The following PSMC6 variants were observed in gnomAD, a reference collection of about 807,000 sequenced individuals.
The protein encoded by PSMC6 is 26S proteasome regulatory subunit 10B.
In PSMC6, 3 loss-of-function variants were observed where a neutral mutation model predicts 55.9. The ratio of observed to expected loss-of-function variants is 0.05; its 90% confidence interval spans 0.02 to 0.14. The LOEUF (loss-of-function observed/expected upper bound fraction) is 0.14. PSMC6 is among the 10% of genes least tolerant of loss of function. PSMC6 has a pLI of 1.00. For synonymous variants in PSMC6, 137 were observed against 155.9 expected (o/e 0.88, Z 0.90); for missense variants, 210 against 478.7 (o/e 0.44, Z 5.24).
intron 13 of PSMC6, among the ~76,000 whole-genome samples, chr14:52,726,784 G>A (rs1198803873): frequency 6.6e-6 from 1 of 151,962 alleles, no homozygotes; most frequent in African/African-American, 2.4e-5. Context: ...TGGGGTTACA[G>A]ATGCCCACTA....
intron 12 of PSMC6, 37 bp downstream of exon 12, chr14:52,721,227 G>A (rs1046024501): frequency 3.5e-6 from 5 of 1,411,952 alleles, no homozygotes; most frequent in Non-Finnish European, 4.8e-6. Context: ...ATTTACATTT[G>A]GTAAATGAAG....
At chr14:52,711,212 G>A (rs2041768442) in intron 5 of PSMC6, 44 bp downstream of exon 5, 2 of 1,558,694 alleles carry the variant, frequency 1.3e-6, no homozygotes, top group East Asian at 4.5e-5. Flanking sequence ...TTTTCACAAA[G>A]GGTGGTTTTT....
chr14:52,716,020 T>C (rs1208541674), intron 7 of PSMC6, among the ~76,000 whole-genome samples: 1 of 152,204 alleles, frequency 6.6e-6, no homozygotes, highest in Admixed American at 6.5e-5. Context: ...TGTCAACATT[T>C]GGAAGATTTG....
rs1351872336 is a variant in PSMC6, at chr14:52,723,161, A to G, written c.980-804A>G. On this transcript the variant is annotated intron_variant, in intron 12 of 13. Coordinates refer to ENST00000445930, the MANE Select transcript of PSMC6 (RefSeq NM_002806.5). ...GCTAGCCTTGGGAATTCTTGCTCTCAGGAAGCTTACAATGAACTTAAACCT... is the reference window on the plus strand; with the variant it reads ...GCTAGCCTTGGGAATTCTTGCTCTCGGGAAGCTTACAATGAACTTAAACCT... 5 of 152,248 alleles carry G rather than the reference A, an allele frequency of 3.3e-5. No homozygotes were observed. The East Asian group carries it at 7.7e-4, about 23-fold the overall frequency. 9.4% of individuals were successfully genotyped at this position (152,248 alleles called of 1,614,324 possible).
chr14:52,725,266 A>G (rs752875830), intron 13 of PSMC6, among the ~76,000 whole-genome samples: 8 of 152,314 alleles, frequency 5.3e-5, no homozygotes, highest in Middle Eastern at 3.4e-3. Context: ...CTATCAAAAT[A>G]TACGCTTTTT....
intron 6 of PSMC6, among the ~76,000 whole-genome samples, chr14:52,712,824 C>T (rs959022447): frequency 2.0e-5 from 3 of 152,066 alleles, no homozygotes; most frequent in Admixed American, 1.3e-4. Flanking sequence ...ACCATGTTGT[C>T]CAGGCTCTTC....
At chr14:52,708,558 ACAGT>A (rs749529863) in intron 3 of PSMC6, 36 bp downstream of exon 3, 15 of 1,591,266 alleles carry the variant, frequency 9.4e-6, no homozygotes, top group Non-Finnish European at 1.3e-5. Context: ...TAGTAAAGAA[ACAGT>A]CCACCTCTCT....
chr14:52,708,239 G>A, intron 1 of PSMC6, 70 bp from the exon 2 acceptor site: 1 of 1,307,382 alleles, frequency 7.6e-7, no homozygotes, highest in Non-Finnish European at 1.1e-6. Context: ...AAACAGTAAA[G>A]TGAGACGTAG....
intron 13 of PSMC6, among the ~76,000 whole-genome samples, chr14:52,726,802 C>T (rs1880434094): frequency 6.6e-6 from 1 of 151,820 alleles, no homozygotes; most frequent in Admixed American, 6.6e-5. Flanking sequence ...CTACTACGCC[C>T]AGCTAATTTT....
chr14:52,711,379 C>G, intron 5 of PSMC6, 31 bp from the exon 6 acceptor site: 1 of 1,543,492 alleles, frequency 6.5e-7, no homozygotes. Context: ...ATATATCTTT[C>G]AAAAGAAAAA....
chr14:52,716,642 A>G (rs2041832864), intron 7 of PSMC6, among the ~76,000 whole-genome samples: 1 of 152,088 alleles, frequency 6.6e-6, no homozygotes, highest in Non-Finnish European at 1.5e-5. Context: ...AATCCCAGCT[A>G]CTCGGGAGGC....
intron 9 of PSMC6, 33 bp downstream of exon 9, chr14:52,718,385 A>C: frequency 6.3e-7 from 1 of 1,585,100 alleles, no homozygotes; most frequent in South Asian, 1.1e-5. Context: ...AAGTTTTAGG[A>C]CTTTTTTTTA....
intron 9 of PSMC6, 69 bp downstream of exon 9, chr14:52,718,421 C>T: frequency 6.8e-7 from 1 of 1,477,796 alleles, no homozygotes; most frequent in South Asian, 1.2e-5. Flanking sequence ...TTTTCCCTCT[C>T]TTAATCTGTA....
In PSMC6 at chr14:52,718,082, T is replaced by C; in HGVS notation, c.531T>C (p.Gly177=). The change falls in exon 8 of 14, where the codon GGT becomes GGC. Residue 177 remains glycine, a splice_region_variant and synonymous_variant. Coordinates refer to ENST00000445930, the MANE Select transcript of PSMC6 (RefSeq NM_002806.5). ...TAAGACTTCTTTTGTCATTCTTAGG[T>C]ACGGGAAAAACACTCTTGGCACGAG... ...PKGCLLYGPP[G]TGKTLLARAV... The C allele has an allele frequency of 6.2e-7, 1 of 1,612,716 alleles. No homozygotes were observed.
chr14:52,711,243 G>T (rs2041768967), intron 5 of PSMC6, 75 bp downstream of exon 5: 1 of 1,409,358 alleles, frequency 7.1e-7, no homozygotes, highest in Admixed American at 1.9e-5. Flanking sequence ...TATGCTTCTT[G>T]AGATCACTGA....
At position 52,708,827 on chromosome 14, in the gene PSMC6, A is replaced by T. The variant is rs374744569; in HGVS notation, c.258+11A>T. 2.5e-6 allele frequency: 4 copies of T among 1,612,984 alleles called. No individual in the cohort carries two copies. In the African/African-American group the frequency reaches 5.3e-5, roughly 22 times the overall value. On this transcript the variant is annotated intron_variant, in intron 4 of 13. Transcript: ENST00000445930. Reference sequence around the variant, plus strand: ...GGTTGTCGTCGACAGGTAATACTTTATATTTGTATAGTGCCTGATGATTGA... The same window carrying T: ...GGTTGTCGTCGACAGGTAATACTTTTTATTTGTATAGTGCCTGATGATTGA...
intron 13 of PSMC6, among the ~76,000 whole-genome samples, chr14:52,725,279 C>A (rs1156820961): frequency 1.3e-5 from 2 of 152,052 alleles, no homozygotes; most frequent in South Asian, 4.1e-4. Flanking sequence ...CGCTTTTTTT[C>A]CTTACATATT....
In PSMC6 at chr14:52,724,046, T is replaced by TA. The variant is rs1235797484; in HGVS notation, c.1051+13dup. 1.3e-5 allele frequency: 21 copies of TA among 1,606,804 alleles called. No individual in the cohort carries two copies. Among genetic ancestry groups the TA allele is most frequent in the African/African-American group, 2.7e-5 (2 of 74,652 alleles). The stretch of plus-strand genomic sequence containing the variant: ...GTTTGTACTGAAGCAGGTAAGGGTT[T>TA]AAAGTACAGTTTTACTATTGATTTT... On this transcript the variant is annotated intron_variant, in intron 13 of 13. Transcript: ENST00000445930.
rs964149411 is a variant in PSMC6 at position 52,713,570 on chromosome 14, TA to T, written c.442-304del. ...ATTTTTCATTGAGGTATAATTACATTAAAAAAATGTAGATTCTTAAGTGTAC... is the reference window on the plus strand; with the variant it reads ...ATTTTTCATTGAGGTATAATTACATTAAAAAATGTAGATTCTTAAGTGTAC... On this transcript the variant is annotated intron_variant, in intron 6 of 13. Coordinates refer to ENST00000445930, the MANE Select transcript of PSMC6 (RefSeq NM_002806.5). Among the ~76,000 whole-genome samples, 9 of 152,272 alleles carry T rather than the reference TA, an allele frequency of 5.9e-5. No individual in the cohort carries two copies. The South Asian group carries it at 1.0e-3, about 18-fold the overall frequency.
Sources: gnomAD v4.1 joint callset for allele counts (sites outside exome capture counted in the v4.1 genomes callset) on GRCh38, gnomAD v4.1.1 for gene constraint, MANE v1.5 for transcripts, NCBI Gene and HGNC (gene_info 2026-07-23, HGNC 2026-07-21) for gene names.